Variants in STIP1 observed in about 807,000 individuals in gnomAD.
STIP1 encodes stress-induced-phosphoprotein 1.
A neutral mutation model predicts 77.4 loss-of-function variants in STIP1; 16 were observed. The observed-to-expected ratio is 0.21, with a 90% CI of 0.14 to 0.31. STIP1 has a LOEUF of 0.31. STIP1 is among the 10% of genes least tolerant of loss of function. STIP1 has a pLI of 1.00. For synonymous variants in STIP1, 258 were observed against 246.6 expected (o/e 1.05, Z -0.44); for missense variants, 524 against 684.8 (o/e 0.77, Z 2.62).
At chr11:64,195,323 C>G (rs996098185) in intron 4 of STIP1, among the ~76,000 whole-genome samples, 1 of 152,110 alleles carries the variant, frequency 6.6e-6, no homozygotes, top group Non-Finnish European at 1.5e-5. Flanking sequence ...ACCATGTTGG[C>G]TAGGCTGGTC....
At chr11:64,202,530 G>A in intron 10 of STIP1, 1 of 246,506 alleles carries the variant, frequency 4.1e-6, no homozygotes, top group East Asian at 1.1e-4. Flanking sequence ...TTACAGGCAT[G>A]AGCCACCGCA....
At chr11:64,203,693 G>C (rs751632966) in intron 13 of STIP1, 71 bp downstream of exon 13, 47 of 1,583,518 alleles carry the variant, frequency 3.0e-5, no homozygotes, top group African/African-American at 1.3e-4. Flanking sequence ...GCACGCGGCT[G>C]GGGGGTGGTA....
rs760565716 is a variant in STIP1, at chr11:64,197,882, T to G, written c.931T>G (p.Phe311Val). ...ATATGCTCGAATTGGCAACTCCTAC[T>G]TCAAAGAAGAAAAGTACAAGGATGC... The part of the protein sequence containing the change: ...KAYARIGNSY[F>V]KEEKYKDAIH... The change falls in exon 8 of 14, where the codon TTC becomes GTC. Residue 311 changes from phenylalanine to valine, a missense_variant. Coordinates refer to ENST00000305218, the MANE Select transcript of STIP1 (RefSeq NM_006819.3). 6.2e-7 allele frequency: 1 copy of G among 1,612,342 alleles called. No homozygotes were observed. The highest frequency in any genetic ancestry group is 8.5e-7 in the Non-Finnish European group (1 of 1,179,828).
In STIP1 at chr11:64,197,929, T is replaced by G. The variant is rs1317267289; in HGVS notation, c.978T>G (p.Ser326=). ...YKDAIHFYNK[S]LAEHRTPDVL... ...ATGCCATCCATTTCTATAACAAGTC[T>G]CTGGCAGAGCACCGAACCCCAGATG... The change falls in exon 8 of 14, where the codon TCT becomes TCG. Residue 326 remains serine, a synonymous_variant. Transcript: ENST00000305218. 1 of 1,613,452 alleles carries G rather than the reference T, an allele frequency of 6.2e-7. No homozygotes were observed. The highest frequency in any genetic ancestry group is 8.5e-7 in the Non-Finnish European group (1 of 1,179,862).
intron 1 of STIP1, among the ~76,000 whole-genome samples, chr11:64,187,703 C>T (rs546427791): frequency 2.4e-4 from 37 of 152,242 alleles, no homozygotes; most frequent in African/African-American, 6.5e-4. Flanking sequence ...GCTCTTTTAC[C>T]TTTAAGAAAG....
chr11:64,196,475 T>A (rs11607165), intron 5 of STIP1, among the ~76,000 whole-genome samples: 4 of 151,176 alleles, frequency 2.6e-5, no homozygotes, highest in African/African-American at 7.3e-5. Context: ...GGAGTTGCCC[T>A]TCCCGTGGTC....
In STIP1 at chr11:64,204,266, C is replaced by A; in HGVS notation, c.*140C>A. The A allele has an allele frequency of 1.2e-6, 1 of 831,730 alleles. No homozygotes were observed. The highest frequency in any genetic ancestry group is 1.9e-6 in the Non-Finnish European group (1 of 536,880). The allele number at this position is 831,730 out of a possible 1,614,324, so 51.5% of individuals were successfully genotyped here. The stretch of plus-strand genomic sequence containing the variant: ...TTTATACATAACCCCGGGGAAGACA[C>A]AGAGACTCGTACCTGCGCTGTTTGT... On this transcript the variant is annotated 3_prime_UTR_variant, in exon 14 of 14. Coordinates refer to ENST00000305218, the MANE Select transcript of STIP1 (RefSeq NM_006819.3).
rs200076567 is a variant in STIP1, at chr11:64,203,434, C to G, written c.1387-16C>G. ...TGGTCCTAACACGCTTCACCTTTGT[C>G]TCTTCTGGACTGCAGGAGGCGGCAG... is the stretch of plus-strand genomic sequence containing the variant. On this transcript the variant is annotated splice_polypyrimidine_tract_variant and intron_variant, in intron 12 of 13. Coordinates refer to ENST00000305218, the MANE Select transcript of STIP1 (RefSeq NM_006819.3). The G allele has an allele frequency of 6.2e-7, 1 of 1,613,796 alleles. No individual in the cohort carries two copies. The highest frequency in any genetic ancestry group is 1.7e-5 in the Admixed American group (1 of 60,014).
At chr11:64,200,962 G>A (rs1466350058) in intron 10 of STIP1, among the ~76,000 whole-genome samples, 1 of 150,688 alleles carries the variant, frequency 6.6e-6, no homozygotes, top group East Asian at 1.9e-4. Context: ...CCTGACTTCA[G>A]GTGATCCACC....
chr11:64,194,123 T>A, intron 2 of STIP1, 66 bp from the exon 3 acceptor site: 1 of 1,558,806 alleles, frequency 6.4e-7, no homozygotes, highest in Non-Finnish European at 8.6e-7. Context: ...TTGTTCTTTT[T>A]TGAGTTCGTC....
At chr11:64,198,340 A>G (rs1223483266) in intron 8 of STIP1, among the ~76,000 whole-genome samples, 1 of 151,890 alleles carries the variant, frequency 6.6e-6, no homozygotes, top group Non-Finnish European at 1.5e-5. Flanking sequence ...AGCCTCCCGA[A>G]TTGCTAAGAC....
At chr11:64,185,781 C>T, upstream of STIP1, 2 of 1,532,778 alleles carry the variant, frequency 1.3e-6, no homozygotes, top group Non-Finnish European at 1.7e-6. Context: ...GTTGGCAACC[C>T]TCCGCCCAAT....
intron 1 of STIP1, among the ~76,000 whole-genome samples, chr11:64,188,301 G>A (rs890503208): frequency 3.4e-5 from 5 of 148,254 alleles, no homozygotes; most frequent in African/African-American, 7.5e-5. Flanking sequence ...CTGTGATCAC[G>A]CCACTGCACT....
intron 12 of STIP1, 49 bp downstream of exon 12, chr11:64,203,277 T>TG (rs1451967066): frequency 6.2e-7 from 1 of 1,604,214 alleles, no homozygotes; most frequent in Non-Finnish European, 8.5e-7. Flanking sequence ...CTTTCTCTGT[T>TG]GGGGCTTTTC....
chr11:64,190,292 G>A (rs1456801241), intron 1 of STIP1, among the ~76,000 whole-genome samples: 3 of 152,142 alleles, frequency 2.0e-5, no homozygotes, highest in Admixed American at 6.6e-5. Context: ...TCCTGCCTCA[G>A]CCTCCCAAGT....
At chr11:64,186,335 G>GGGT in intron 1 of STIP1, 65 bp downstream of exon 1, 4 of 485,988 alleles carry the variant, frequency 8.2e-6, no homozygotes, top group African/African-American at 2.2e-5. Flanking sequence ...CCAGGCCGCG[G>GGGT]TAGGGGGGCG....
rs1946245283 is a variant in STIP1 at position 64,203,536 on chromosome 11, C to T, written c.1473C>T (p.Ala491=). Residue 491 remains alanine, a synonymous_variant, in exon 13 of 14, where the codon GCC becomes GCT. Coordinates refer to ENST00000305218, the MANE Select transcript of STIP1 (RefSeq NM_006819.3). The stretch of plus-strand genomic sequence containing the variant: ...AAGATGTGAAGCGACGAGCCATGGC[C>T]GACCCTGAGGTGCAGCAGATCATGA... ...SPEDVKRRAM[A]DPEVQQIMSD... is the part of the protein sequence containing the mutation. 5 of 1,614,036 alleles carry T rather than the reference C, an allele frequency of 3.1e-6. No individual in the cohort carries two copies. Among genetic ancestry groups the T allele is most frequent in the South Asian group, 1.1e-5 (1 of 91,090 alleles).
intron 1 of STIP1, among the ~76,000 whole-genome samples, chr11:64,189,914 G>T (rs907118868): frequency 6.6e-6 from 1 of 151,950 alleles, no homozygotes; most frequent in African/African-American, 2.4e-5. Flanking sequence ...GCTTAATTTG[G>T]CAGGTTCCTT....
chr11:64,203,254 G>C lies in STIP1; in HGVS notation c.1386+26G>C, dbSNP rs538407559. 81 of 1,609,846 alleles carry C rather than the reference G, an allele frequency of 5.0e-5. No homozygotes were observed. The South Asian group carries it at 6.0e-4, about 12-fold the overall frequency. ...GTGGGGCTGCTTCTGGCCTCCAGGG[G>C]CCCCCCCTGCCTCTTTCTCTGTTGG... On this transcript the variant is annotated intron_variant, in intron 12 of 13. Coordinates refer to ENST00000305218, the MANE Select transcript of STIP1 (RefSeq NM_006819.3).
Sources: gnomAD v4.1 joint callset for allele counts (sites outside exome capture counted in the v4.1 genomes callset) on GRCh38, gnomAD v4.1.1 for gene constraint, MANE v1.5 for transcripts, NCBI Gene and HGNC (gene_info 2026-07-23, HGNC 2026-07-21) for gene names.